Variants in SHTN1 observed in about 807,000 individuals in gnomAD.
SHTN1 encodes the protein shootin 1, also known as shootin-1.
A neutral mutation model predicts 83.1 loss-of-function variants in SHTN1; 42 were observed. That is an observed-to-expected ratio of 0.51 (90% CI 0.39 to 0.65). The LOEUF is 0.65. SHTN1 is among the 30% of genes least tolerant of loss of function. The pLI is 0.00. For synonymous variants in SHTN1, 224 were observed against 247.7 expected, an observed-to-expected ratio of 0.90 and a Z score of 0.90; for missense variants, 622 against 737.8, an observed-to-expected ratio of 0.84 and a Z score of 1.82.
At chr10:117,065,800 GGA>G (rs1852983763) in intron 1 of SHTN1, among the ~76,000 whole-genome samples, 2 of 37,078 alleles carry the variant, frequency 5.4e-5, no homozygotes, top group African/African-American at 2.1e-4. Flanking sequence ...AAGGAAGGAA[GGA>G]AGGAAGGAAG....
At chr10:116,933,190 G>A (rs891370657) in intron 9 of SHTN1, among the ~76,000 whole-genome samples, 2 of 151,668 alleles carry the variant, frequency 1.3e-5, no homozygotes, top group African/African-American at 2.4e-5. Flanking sequence ...TTATTATACT[G>A]TAAGTTCTGG....
At chr10:117,109,162 C>A (rs186411822) in intron 1 of SHTN1, among the ~76,000 whole-genome samples, 25 of 152,250 alleles carry the variant, frequency 1.6e-4, no homozygotes, top group African/African-American at 6.0e-4. Flanking sequence ...AATACTGATG[C>A]CTTGGTCCCA....
intron 2 of SHTN1, among the ~76,000 whole-genome samples, chr10:117,017,958 A>G (rs1275893371): frequency 6.6e-6 from 1 of 152,220 alleles, no homozygotes; most frequent in East Asian, 1.9e-4. Flanking sequence ...ACACAACTTG[A>G]TGGACATTTT....
At chr10:116,978,621 T>C (rs911181190) in intron 2 of SHTN1, among the ~76,000 whole-genome samples, 1 of 151,446 alleles carries the variant, frequency 6.6e-6, no homozygotes, top group African/African-American at 2.4e-5. Context: ...ATTAGCTATA[T>C]ATATTAGCAA....
upstream of SHTN1, among the ~76,000 whole-genome samples, chr10:117,006,401 C>G (rs1364305730): frequency 6.6e-6 from 1 of 151,682 alleles, no homozygotes; most frequent in Admixed American, 6.6e-5. Context: ...CCCGTCTCTA[C>G]TAAAAATACA....
At chr10:117,034,202 A>G (rs532214562) in intron 2 of SHTN1, among the ~76,000 whole-genome samples, 2 of 152,336 alleles carry the variant, frequency 1.3e-5, no homozygotes, top group East Asian at 3.9e-4. Context: ...GATTAGAGAA[A>G]GAAACAAAGG....
At chr10:117,008,927 A>G (rs1206460574), upstream of SHTN1, among the ~76,000 whole-genome samples, 1 of 152,196 alleles carries the variant, frequency 6.6e-6, no homozygotes, top group African/African-American at 2.4e-5. Context: ...CAGCCTGACC[A>G]ATATGAAGAA....
Position 116,940,582 on chromosome 10 carries a change from G to T in SHTN1, c.742C>A (p.Gln248Lys). Residue 248 changes from glutamine (Q) to lysine (K), a missense_variant, in exon 9 of 17, where the codon CAA (glutamine) becomes AAA (lysine). By Grantham distance (53) the Gln-to-Lys change is moderately conservative (BLOSUM62 1). This residue lies in a region of SHTN1 where 383 missense variants were observed against 455.8 expected (regional missense o/e 0.84). Transcript: ENST00000355371. ...GAGCTCTGCAGCAGAAGGTGGCTTT[G>T]TCTCTTTAGCTTGTTTTGCTCAATG... The part of the protein sequence containing the change: ...MFIEQNKLKR[Q>K]SHLLLQSSIP... The T allele has an allele frequency of 6.2e-7, 1 of 1,611,104 alleles. No individual in the cohort carries two copies. The highest frequency in any genetic ancestry group is 8.5e-7 in the Non-Finnish European group (1 of 1,178,302).
chr10:117,077,268 G>A (rs1440470401), intron 1 of SHTN1, among the ~76,000 whole-genome samples: 1 of 152,122 alleles, frequency 6.6e-6, no homozygotes, highest in African/African-American at 2.4e-5. Context: ...TTTGCATTTT[G>A]ACTAAAGACA....
intron 1 of SHTN1, among the ~76,000 whole-genome samples, chr10:117,088,165 A>G (rs1042897945): frequency 2.0e-5 from 3 of 152,218 alleles, no homozygotes; most frequent in Admixed American, 1.3e-4. Context: ...TTGATTACAC[A>G]CAACTTTACC....
intron 2 of SHTN1, among the ~76,000 whole-genome samples, chr10:117,039,028 CA>C (rs898575530): frequency 1.3e-5 from 2 of 152,300 alleles, no homozygotes; most frequent in African/African-American, 4.8e-5. Context: ...GTATCCCACC[CA>C]AAACCTGCAC....
chr10:116,910,403 C>G (rs1848144131), intron 14 of SHTN1, among the ~76,000 whole-genome samples: 1 of 152,150 alleles, frequency 6.6e-6, no homozygotes, highest in African/African-American at 2.4e-5. Flanking sequence ...TTTTTTATAA[C>G]TTATAAATTA....
intron 15 of SHTN1, among the ~76,000 whole-genome samples, chr10:116,904,664 C>T (rs1369164952): frequency 6.6e-6 from 1 of 152,042 alleles, no homozygotes; most frequent in East Asian, 1.9e-4. Context: ...GTGAAAAATT[C>T]CCACCATGTT....
At chr10:116,924,911 C>G (rs573287261) in intron 11 of SHTN1, among the ~76,000 whole-genome samples, 1 of 151,972 alleles carries the variant, frequency 6.6e-6, no homozygotes, top group Non-Finnish European at 1.5e-5. Flanking sequence ...GCACCCACCA[C>G]GCCTGGCTAA....
chr10:117,013,780 G>A (rs900431216), intron 2 of SHTN1, among the ~76,000 whole-genome samples: 3 of 152,076 alleles, frequency 2.0e-5, no homozygotes, highest in East Asian at 1.9e-4. Context: ...CCAAATGAGC[G>A]GAAAACTTAT....
chr10:116,948,834 C>A, intron 7 of SHTN1, 82 bp downstream of exon 7: 1 of 879,180 alleles, frequency 1.1e-6, no homozygotes, highest in Non-Finnish European at 1.6e-6. Context: ...CATATTTAGG[C>A]ACAGGTGTAA....
At chr10:117,073,379 CATA>C (rs752498569) in intron 1 of SHTN1, among the ~76,000 whole-genome samples, 2 of 152,118 alleles carry the variant, frequency 1.3e-5, no homozygotes, top group East Asian at 1.9e-4. Context: ...ATTTAATTCT[CATA>C]ATAACTCTAT....
intron 2 of SHTN1, among the ~76,000 whole-genome samples, chr10:116,973,088 T>C (rs1157842505): frequency 2.0e-5 from 3 of 152,172 alleles, no homozygotes; most frequent in Admixed American, 2.0e-4. Context: ...AATGGGCAGC[T>C]CAGTTATTCA....
intron 1 of SHTN1, among the ~76,000 whole-genome samples, chr10:117,055,279 C>T (rs1051123597): frequency 1.3e-5 from 2 of 152,184 alleles, no homozygotes; most frequent in Admixed American, 1.3e-4. Flanking sequence ...ACACAGAGCC[C>T]AACCATATCA....
Sources: allele counts gnomAD v4.1 joint callset (sites outside exome capture counted in the v4.1 genomes callset), GRCh38; gene constraint gnomAD v4.1.1; regional missense constraint gnomAD v4.1.1; transcripts MANE v1.5; gene names NCBI Gene and HGNC (gene_info 2026-07-23, HGNC 2026-07-21).